Variants in KCNN3 observed in about 807,000 individuals in gnomAD.
The protein encoded by KCNN3 is small conductance calcium-activated potassium channel protein 3.
KCNN3 carries 16 observed loss-of-function variants against 62.9 expected under a neutral mutation model. The observed-to-expected ratio is 0.25, with a 90% confidence interval of 0.17 to 0.39. The LOEUF (loss-of-function observed/expected upper bound fraction) is 0.39, where lower values mean the gene tolerates loss of function less well. KCNN3 is among the 10% of genes least tolerant of loss of function. The pLI is 1.00. For synonymous variants in KCNN3, 370 were observed against 389.2 expected (o/e 0.95, Z 0.58); for missense variants, 599 against 949.4 (o/e 0.63, Z 4.85).
intron 3 of KCNN3, among the ~76,000 whole-genome samples, chr1:154,743,206 C>A (rs996526573): frequency 3.2e-4 from 49 of 151,768 alleles, no homozygotes; most frequent in African/African-American, 1.1e-3. Context: ...CCAGTCCCAT[C>A]CTCTTACCTG....
chr1:154,811,595 T>C (rs1046571568), intron 2 of KCNN3, among the ~76,000 whole-genome samples: 3 of 152,214 alleles, frequency 2.0e-5, no homozygotes, highest in African/African-American at 7.2e-5. Context: ...GAAACAAAAC[T>C]GCTCAATTGA....
intron 3 of KCNN3, among the ~76,000 whole-genome samples, chr1:154,745,942 C>T (rs756124938): frequency 3.9e-5 from 6 of 152,106 alleles, no homozygotes; most frequent in Non-Finnish European, 5.9e-5. Context: ...GTCCAACAGA[C>T]GGGGGTTTGG....
chr1:154,839,515 C>T (rs897401864), intron 1 of KCNN3, among the ~76,000 whole-genome samples: 52 of 152,302 alleles, frequency 3.4e-4, no homozygotes, highest in Non-Finnish European at 1.3e-4. Flanking sequence ...GCAGCAGGGA[C>T]GAACGTGACC....
At chr1:154,868,672 G>A (rs1653044953) in intron 1 of KCNN3, among the ~76,000 whole-genome samples, 2 of 152,218 alleles carry the variant, frequency 1.3e-5, no homozygotes, top group South Asian at 4.1e-4. Context: ...AGTGAGCCAG[G>A]AGGAAAAGCG....
intron 3 of KCNN3, among the ~76,000 whole-genome samples, chr1:154,747,198 C>T (rs998471793): frequency 2.0e-5 from 3 of 152,180 alleles, no homozygotes; most frequent in African/African-American, 7.2e-5. Context: ...CAAAACTGCC[C>T]TTGCTCTTCA....
Position 154,772,105 on chromosome 1 carries a change from G to A in KCNN3, c.1318C>T (p.Leu440Phe). 6.2e-7 allele frequency: 1 copy of A among 1,614,232 alleles called. No homozygotes were observed. The highest frequency in any genetic ancestry group is 8.5e-7 in the Non-Finnish European group (1 of 1,180,050). The part of the protein sequence containing the change: ...TDASSRSIGA[L>F]NKINFNTRFV... ...CGGGTGTTGAAGTTGATCTTGTTGA[G>A]GGCCCCGATGCTGCGGGACGAGGCA... Residue 440 changes from leucine to phenylalanine, a missense_variant, in exon 3 of 8, where the codon CTC becomes TTC. Coordinates refer to ENST00000271915, the MANE Select transcript of KCNN3 (RefSeq NM_002249.6). The surrounding 1 kb of genome is among the most constrained non-coding windows in gnomAD (Gnocchi z 5.6).
Position 154,850,988 on chromosome 1 carries a change from C to A in KCNN3, c.933+18044G>T, listed in dbSNP as rs138846617. On this transcript the variant is annotated intron_variant, in intron 1 of 7. Transcript: ENST00000271915. ...TGATTTTTGTTTGTTTGTTTGTTTG[C>A]TTTGTTTGAGGCAGAGTCTCGCTCT... Among the ~76,000 whole-genome samples, 457 of 152,118 alleles carry A rather than the reference C, an allele frequency of 3.0e-3. 3 individuals are homozygous for A. Among genetic ancestry groups the A allele is most frequent in the Middle Eastern group, 0.014 (4 of 294 alleles).
At chr1:154,717,357 A>G (rs1700252931) in intron 5 of KCNN3, among the ~76,000 whole-genome samples, 2 of 152,208 alleles carry the variant, frequency 1.3e-5, no homozygotes, top group South Asian at 4.1e-4. Context: ...ATCTAGCTCA[A>G]ACCCCTCATT....
chr1:154,756,706 A>G (rs1162452775), intron 3 of KCNN3, among the ~76,000 whole-genome samples: 1 of 152,200 alleles, frequency 6.6e-6, no homozygotes, highest in East Asian at 1.9e-4. Context: ...CCAATGCCAT[A>G]AATTTTTTTT....
rs140993250 is a variant in KCNN3 at position 154,727,384 on chromosome 1, A to C, written c.1591-1358T>G. 5.1e-4 allele frequency among the ~76,000 whole-genome samples: 78 copies of C among 152,250 alleles called. 1 individual carries two copies. The highest frequency in any genetic ancestry group is 1.8e-3 in the African/African-American group (76 of 41,552). ...AAGAATGTTTTTCAAAGGTACTATA[A>C]TCTATAACCGACTTGGAAGGAATGC... On this transcript the variant is annotated intron_variant, in intron 4 of 7. Transcript: ENST00000271915.
At position 154,712,524 on chromosome 1, in the gene KCNN3, A is replaced by G. The variant is rs1340643902; in HGVS notation, c.1899+940T>C. Among the ~76,000 whole-genome samples the G allele has an allele frequency of 4.6e-5, 7 of 152,072 alleles. No homozygotes were observed. The East Asian group carries it at 1.4e-3, about 29-fold the overall frequency. On this transcript the variant is annotated intron_variant, in intron 7 of 7. Transcript: ENST00000271915. ...AAACAAGGCACCTGCACGTGGCCCG[A>G]CAACTAGTGATTTCTCTGATTGCAC...
chr1:154,772,475 TG>T lies in KCNN3; in HGVS notation c.1030-83del. 1 of 1,423,676 alleles carries T rather than the reference TG, an allele frequency of 7.0e-7. No homozygotes were observed. The highest frequency in any genetic ancestry group is 9.8e-7 in the Non-Finnish European group (1 of 1,021,408). The allele number at this position is 1,423,676 out of a possible 1,614,324, so 88.2% of individuals were successfully genotyped here. On this transcript the variant is annotated intron_variant, in intron 2 of 7. Coordinates refer to ENST00000271915, the MANE Select transcript of KCNN3 (RefSeq NM_002249.6). This position sits in a 1 kb window ranked among gnomAD's most constrained non-coding sequence, Gnocchi z 5.6. ...TCCAGGCAGGACAGGTGGGGCAGGC[TG>T]GGGCAGGCTGCTGGGCTCAGGTCAG...
intron 2 of KCNN3, among the ~76,000 whole-genome samples, chr1:154,821,648 C>T (rs1204859634): frequency 6.6e-6 from 1 of 152,206 alleles, no homozygotes; most frequent in Non-Finnish European, 1.5e-5. Flanking sequence ...AAGCAGACTC[C>T]TTGGTGGAGT....
intron 1 of KCNN3, among the ~76,000 whole-genome samples, chr1:154,823,814 T>C (rs1166368408): frequency 1.3e-5 from 2 of 151,882 alleles, no homozygotes; most frequent in Admixed American, 6.6e-5. Context: ...ATCTGTGGGG[T>C]GAGGCGGTAT....
In KCNN3 at chr1:154,810,427, G is replaced by C. The variant is rs555257307; in HGVS notation, c.1029+11662C>G. Among the ~76,000 whole-genome samples the C allele has an allele frequency of 8.8e-5, 13 of 148,526 alleles. No individual in the cohort carries two copies. The East Asian group carries it at 2.3e-3, about 27-fold the overall frequency. On this transcript the variant is annotated intron_variant, in intron 2 of 7. Transcript: ENST00000271915. ...AGAACAAGACCCAGTATGGGGCTCA[G>C]TGAGGCTTCAAGGAAGACCCTAGCC... is the stretch of plus-strand genomic sequence containing the variant.
chr1:154,794,611 A>AGATT (rs1379044079), intron 2 of KCNN3, among the ~76,000 whole-genome samples: 1 of 152,152 alleles, frequency 6.6e-6, no homozygotes, highest in East Asian at 1.9e-4. Flanking sequence ...TTGAATTAGT[A>AGATT]GATTATTCAG....
intron 3 of KCNN3, among the ~76,000 whole-genome samples, chr1:154,747,309 C>T (rs970268215): frequency 2.0e-5 from 3 of 152,148 alleles, no homozygotes; most frequent in African/African-American, 7.2e-5. Flanking sequence ...CCCCCTTCCA[C>T]ACTGCAGCCA....
chr1:154,831,080 A>G (rs1651361826), intron 1 of KCNN3, among the ~76,000 whole-genome samples: 1 of 152,214 alleles, frequency 6.6e-6, no homozygotes, highest in Admixed American at 6.5e-5. Context: ...ACTTTTTATT[A>G]CATGTTTGCC....
chr1:154,820,739 C>T (rs973606853), intron 2 of KCNN3, among the ~76,000 whole-genome samples: 7 of 152,254 alleles, frequency 4.6e-5, no homozygotes, highest in African/African-American at 1.7e-4. Context: ...GCATCTGGCA[C>T]AGGCACAGCC....
Sources: gnomAD v4.1 joint callset for allele counts (sites outside exome capture counted in the v4.1 genomes callset) on GRCh38, gnomAD v4.1.1 for gene constraint, Gnocchi (gnomAD v3.1) non-coding constraint, MANE v1.5 for transcripts, NCBI Gene and HGNC (gene_info 2026-07-23, HGNC 2026-07-21) for gene names.